Variants in PEX1 observed in about 807,000 individuals in gnomAD.
PEX1 encodes the protein peroxisomal biogenesis factor 1.
Under a neutral mutation model 152.5 loss-of-function variants are expected in PEX1, and 97 were observed. The observed-to-expected ratio is 0.64, with a 90% CI of 0.54 to 0.75. The LOEUF is 0.75. PEX1 is among the 30% of genes least tolerant of loss of function. The pLI, the probability that PEX1 is intolerant of heterozygous loss-of-function variation, is 0.00. For missense variants in PEX1, 1,357 were observed against 1,516.3 expected, an observed-to-expected ratio of 0.89 and a Z score of 1.74; for synonymous variants, 485 against 531.6, an observed-to-expected ratio of 0.91 and a Z score of 1.21.
At chr7:92,506,376 A>G (rs1792189636) in intron 10 of PEX1, 32 bp from the exon 11 acceptor site, 2 of 1,290,852 alleles carry the variant, frequency 1.5e-6, no homozygotes, top group East Asian at 2.3e-5. Flanking sequence ...GGAATTCCCA[A>G]TATATTCAGT....
At chr7:92,516,462 C>T (rs1792792596) in intron 5 of PEX1, among the ~76,000 whole-genome samples, 1 of 151,524 alleles carries the variant, frequency 6.6e-6, no homozygotes, top group Non-Finnish European at 1.5e-5. Flanking sequence ...ATGATGTAGG[C>T]CAAAGAGATT....
At position 92,501,052 on chromosome 7, in the gene PEX1, T is replaced by A. The variant is rs1030333539; in HGVS notation, c.2583+455A>T. Among the ~76,000 whole-genome samples, 4 of 152,364 alleles carry A rather than the reference T, an allele frequency of 2.6e-5. No homozygotes were observed. The South Asian group carries it at 6.2e-4, about 24-fold the overall frequency. On this transcript the variant is annotated intron_variant, in intron 15 of 23. Transcript: ENST00000248633. Reference sequence around the variant, plus strand: ...ACAGAATTATACATCAAAATGTATTTACTGTAACTATCACCTCAGCTTTCC... The same window carrying A: ...ACAGAATTATACATCAAAATGTATTAACTGTAACTATCACCTCAGCTTTCC...
At chr7:92,526,526 C>T (rs1793274657) in intron 1 of PEX1, among the ~76,000 whole-genome samples, 1 of 152,108 alleles carries the variant, frequency 6.6e-6, no homozygotes, top group South Asian at 2.1e-4. Context: ...TCCTAGACAA[C>T]CAGAAATAAA....
At chr7:92,517,137 T>C (rs776541396) in intron 5 of PEX1, 139 bp downstream of exon 5, 29 of 708,626 alleles carry the variant, frequency 4.1e-5, no homozygotes, top group Admixed American at 1.5e-4. Flanking sequence ...AAAGCGTAAA[T>C]GTGTCCCCCA....
At chr7:92,514,454 TG>T (rs1396847844) in intron 5 of PEX1, among the ~76,000 whole-genome samples, 4 of 152,244 alleles carry the variant, frequency 2.6e-5, no homozygotes. Flanking sequence ...TGTATTTGAC[TG>T]TATTCACCAA....
intron 5 of PEX1, among the ~76,000 whole-genome samples, chr7:92,515,676 C>A (rs749602768): frequency 6.6e-6 from 1 of 152,082 alleles, no homozygotes; most frequent in Non-Finnish European, 1.5e-5. Flanking sequence ...ATCTCCTGAA[C>A]GGACAGTTTA....
chr7:92,493,125 G>GAC lies in PEX1; in HGVS notation c.3033_3034dup (p.Ser1012CysfsTer7). ...GAGGACATTTAAAATTTCAAGACGT[G>GAC]ACACCTGAAAGGAGAAAAATTTATT... On this transcript the variant is annotated frameshift_variant, in exon 20 of 24. Transcript: ENST00000248633. LOFTEE classifies it high-confidence loss of function. 1 of 1,583,864 alleles carries GAC rather than the reference G, an allele frequency of 6.3e-7. No homozygotes were observed. Among genetic ancestry groups the GAC allele is most frequent in the Non-Finnish European group, 8.6e-7 (1 of 1,157,568 alleles).
intron 11 of PEX1, 117 bp from the exon 12 acceptor site, chr7:92,505,019 T>C (rs887185900): frequency 1.3e-6 from 1 of 754,132 alleles, no homozygotes; most frequent in African/African-American, 1.8e-5. Context: ...AAATTTGATC[T>C]ATATTTTATT....
intron 11 of PEX1, 54 bp from the exon 12 acceptor site, chr7:92,504,956 T>G: frequency 1.5e-6 from 2 of 1,364,568 alleles, no homozygotes; most frequent in Non-Finnish European, 2.1e-6. Flanking sequence ...CTGGGAAAAT[T>G]CAGGTTGTCC....
Position 92,501,683 on chromosome 7 carries a change from A to C in PEX1, c.2417-10T>G. 6.2e-7 allele frequency: 1 copy of C among 1,608,434 alleles called. No individual in the cohort carries two copies. Among genetic ancestry groups the C allele is most frequent in the Non-Finnish European group, 8.5e-7 (1 of 1,175,108 alleles). ...GTTGTTAAAACTAATTCTGTTTAAAAATAAACAAAACTTCTTTTACTAGTT... is the reference window on the plus strand; with the variant it reads ...GTTGTTAAAACTAATTCTGTTTAAACATAAACAAAACTTCTTTTACTAGTT... On this transcript the variant is annotated splice_polypyrimidine_tract_variant and intron_variant, in intron 14 of 23. Transcript: ENST00000248633.
Position 92,489,837 on chromosome 7 carries a change from AAAC to A in PEX1, c.3510_3512del (p.Leu1170del), listed in dbSNP as rs776678327. On this transcript the variant is annotated inframe_deletion, in exon 22 of 24. Transcript: ENST00000248633. ...CTGTCCTTAACACTGGAGGCTGTGAAAACAACTGGTCTTTCCCAGGAACTCCAG... is the reference window on the plus strand; with the variant it reads ...CTGTCCTTAACACTGGAGGCTGTGAAAACTGGTCTTTCCCAGGAACTCCAG... The A allele has an allele frequency of 1.9e-6, 3 of 1,614,138 alleles. No homozygotes were observed. The highest frequency in any genetic ancestry group is 2.2e-5 in the South Asian group (2 of 91,078).
At chr7:92,507,191 A>T (rs756458091) in intron 9 of PEX1, 65 bp from the exon 10 acceptor site, 1 of 1,500,330 alleles carries the variant, frequency 6.7e-7, no homozygotes, top group Admixed American at 1.7e-5. Flanking sequence ...GCTATAAAAA[A>T]ATGCTGAATT....
chr7:92,488,820 A>T (rs1318104818), intron 23 of PEX1, among the ~76,000 whole-genome samples: 5 of 148,034 alleles, frequency 3.4e-5, no homozygotes, highest in Admixed American at 6.9e-5. Context: ...TGCAACCTCC[A>T]CCTCCTGGGT....
rs1328818691 is a variant in PEX1 at position 92,518,164 on chromosome 7, TG to T, written c.448del (p.Gln150LysfsTer11). On this transcript the variant is annotated frameshift_variant, in exon 4 of 24. Transcript: ENST00000248633. LOFTEE classifies it high-confidence loss of function. ...ACCAATTTGGATAAATATGTACGTT[TG>T]TTGATCAACCCAAACAGGAAAAATG... is the stretch of plus-strand genomic sequence containing the variant. ...KAIFPVWVDQ[Q>X]TYIFIQIVAL... is the part of the protein sequence containing the mutation. 3 of 1,612,570 alleles carry T rather than the reference TG, an allele frequency of 1.9e-6. No individual in the cohort carries two copies. Among genetic ancestry groups the T allele is most frequent in the Non-Finnish European group, 2.5e-6 (3 of 1,178,670 alleles).
chr7:92,495,346 A>G (rs1329676634), intron 17 of PEX1, among the ~76,000 whole-genome samples: 2 of 152,182 alleles, frequency 1.3e-5, no homozygotes, highest in Non-Finnish European at 2.9e-5. Context: ...CTATCTCATT[A>G]AATGCATGGC....
rs1792027618 is a variant in PEX1, at chr7:92,503,345, C to T, written c.2072-150G>A. 24 of 700,716 alleles carry T rather than the reference C, an allele frequency of 3.4e-5. 1 individual carries two copies. In the South Asian group the frequency reaches 4.2e-4, roughly 12 times the overall value. 43.4% of individuals were successfully genotyped at this position (700,716 alleles called of 1,614,324 possible). ...TCTTTCATGTCTTTAAAAAATGAAT[C>T]CATCTAGTTATTCCCTGATTTATCT... On this transcript the variant is annotated intron_variant, in intron 12 of 23. Coordinates refer to ENST00000248633, the MANE Select transcript of PEX1 (RefSeq NM_000466.3).
Position 92,517,767 on chromosome 7 carries a change from C to T in PEX1, c.748G>A (p.Gly250Arg). ...SSVASLWTMI[G>R]SIFSFQSEKK... ...TCAGATTGAAAGGAAAAAATGCTTC[C>T]TATCATAGTCCATAAACTTGCTACT... Residue 250 changes from glycine to arginine, a missense_variant, in exon 5 of 24, where the codon GGA becomes AGA. Physicochemically the swap from Gly to Arg is moderately radical, Grantham distance 125. Transcript: ENST00000248633. 6.3e-7 allele frequency: 1 copy of T among 1,593,710 alleles called. No homozygotes were observed. Among genetic ancestry groups the T allele is most frequent in the Non-Finnish European group, 8.5e-7 (1 of 1,170,704 alleles).
intron 20 of PEX1, 141 bp from the exon 21 acceptor site, chr7:92,491,643 G>A (rs1261000991): frequency 4.8e-6 from 3 of 627,366 alleles, no homozygotes; most frequent in East Asian, 2.7e-5. Context: ...ATTCTCTAAC[G>A]GTTTTGAGGC....
At chr7:92,521,622 A>C (rs1004244723) in intron 2 of PEX1, among the ~76,000 whole-genome samples, 3 of 151,818 alleles carry the variant, frequency 2.0e-5, no homozygotes, top group Non-Finnish European at 4.4e-5. Flanking sequence ...TTTAGTAGAG[A>C]GGGGGGGTTT....
Sources: gnomAD v4.1 joint callset for allele counts (sites outside exome capture counted in the v4.1 genomes callset) on GRCh38, gnomAD v4.1.1 for gene constraint, MANE v1.5 for transcripts, NCBI Gene and HGNC (gene_info 2026-07-23, HGNC 2026-07-21) for gene names.